Variants in RTN4RL1 observed in about 807,000 individuals in gnomAD.
RTN4RL1 encodes the protein reticulon-4 receptor-like 1.
Under a neutral mutation model 25.6 loss-of-function variants are expected in RTN4RL1, and 7 were observed. The ratio of observed to expected loss-of-function variants is 0.27; its 90% CI spans 0.16 to 0.51. The LOEUF (loss-of-function observed/expected upper bound fraction) is 0.51. RTN4RL1 is among the 20% of genes least tolerant of loss of function. RTN4RL1 has a pLI of 0.97. For synonymous variants in RTN4RL1, 297 were observed against 288.2 expected, an observed-to-expected ratio of 1.03 and a Z score of -0.31; for missense variants, 500 against 615.6, an observed-to-expected ratio of 0.81 and a Z score of 1.99.
In RTN4RL1 at chr17:2,017,703, A is replaced by ACG. The variant is rs1555522588; in HGVS notation, c.13+7149_13+7150insCG. The ACG allele has an allele frequency of 1.5e-3, 194 of 125,546 alleles. 1 individual carries two copies. The highest frequency in any genetic ancestry group is 5.2e-3 in the African/African-American group (189 of 36,256). 7.8% of individuals were successfully genotyped at this position (125,546 alleles called of 1,614,324 possible). On this transcript the variant is annotated intron_variant, in intron 1 of 1. Transcript: ENST00000331238. ...TACATACACACACACACACACACAC[A>ACG]CACGCACACACACTATGGTACCAAC...
At chr17:1,965,354 C>T (rs1168198213) in intron 1 of RTN4RL1, among the ~76,000 whole-genome samples, 1 of 152,056 alleles carries the variant, frequency 6.6e-6, no homozygotes, top group East Asian at 1.9e-4. Flanking sequence ...TCAGGTGATC[C>T]GCCCACCTCG....
At chr17:1,977,439 A>G (rs1393985568) in intron 1 of RTN4RL1, among the ~76,000 whole-genome samples, 1 of 151,988 alleles carries the variant, frequency 6.6e-6, no homozygotes, top group Non-Finnish European at 1.5e-5. Flanking sequence ...TGGATCCACC[A>G]CCTCGTCTCA....
intron 1 of RTN4RL1, among the ~76,000 whole-genome samples, chr17:2,005,539 T>A (rs2066986944): frequency 6.6e-6 from 1 of 152,050 alleles, no homozygotes; most frequent in Non-Finnish European, 1.5e-5. Context: ...AAGCTTCCAT[T>A]GAGAAAGGAC....
chr17:1,960,931 C>A (rs1915882109), intron 1 of RTN4RL1, among the ~76,000 whole-genome samples: 1 of 152,178 alleles, frequency 6.6e-6, no homozygotes, highest in African/African-American at 2.4e-5. Flanking sequence ...CCAGCCGATG[C>A]CCACGGCCCC....
In RTN4RL1 at chr17:1,942,984, G is replaced by A. The variant is rs1480500908; in HGVS notation, c.14-5176C>T. On this transcript the variant is annotated intron_variant, in intron 1 of 1. Transcript: ENST00000331238. ...AGCTCAGCTGGGCTGGGGGAACCCA[G>A]AGCCAGGATGGCCAGAGATGTCCCC... Among the ~76,000 whole-genome samples the A allele has an allele frequency of 2.6e-5, 4 of 152,204 alleles. No homozygotes were observed. In the East Asian group the frequency reaches 7.7e-4, roughly 29 times the overall value.
At position 2,022,849 on chromosome 17, in the gene RTN4RL1, G is replaced by GC. The variant is rs1274766569; in HGVS notation, c.13+2003_13+2004insG. ...GTGCAGGAAGGAAGAAACAGCCCGA[G>GC]TGGCAAACACACGTGACTGCTAAGC... On this transcript the variant is annotated intron_variant, in intron 1 of 1. Coordinates refer to ENST00000331238, the MANE Select transcript of RTN4RL1 (RefSeq NM_178568.4). Among the ~76,000 whole-genome samples, 8 of 152,346 alleles carry GC rather than the reference G, an allele frequency of 5.3e-5. No homozygotes were observed. In the East Asian group the frequency reaches 1.5e-3, roughly 29 times the overall value.
At chr17:1,991,900 A>G (rs1201201154) in intron 1 of RTN4RL1, among the ~76,000 whole-genome samples, 5 of 152,140 alleles carry the variant, frequency 3.3e-5, no homozygotes, top group African/African-American at 9.7e-5. Flanking sequence ...GAATTGCTCT[A>G]TTTACGGAGC....
At chr17:1,982,571 G>A (rs908165823) in intron 1 of RTN4RL1, among the ~76,000 whole-genome samples, 2 of 152,072 alleles carry the variant, frequency 1.3e-5, no homozygotes, top group African/African-American at 4.8e-5. Context: ...CCGAGATCGC[G>A]CCACTGCACT....
In RTN4RL1 at chr17:1,994,132, C is replaced by T. The variant is rs570467221; in HGVS notation, c.13+30721G>A. ...GTCCCAATCTGTGGATTGCTTTCCC[C>T]AGTCTCTGGAGTAAGATCTCATTTT... On this transcript the variant is annotated intron_variant, in intron 1 of 1. Coordinates refer to ENST00000331238, the MANE Select transcript of RTN4RL1 (RefSeq NM_178568.4). The surrounding 1 kb of genome is among the most constrained non-coding windows in gnomAD (Gnocchi z 4.3). Among the ~76,000 whole-genome samples the T allele has an allele frequency of 8.9e-4, 135 of 152,282 alleles. No homozygotes were observed. Among genetic ancestry groups the T allele is most frequent in the African/African-American group, 3.1e-3 (129 of 41,554 alleles).
intron 1 of RTN4RL1, among the ~76,000 whole-genome samples, chr17:1,971,259 CT>C (rs1477442987): frequency 3.3e-4 from 50 of 152,336 alleles, no homozygotes; most frequent in East Asian, 1.7e-3. Flanking sequence ...CATGCTCTCT[CT>C]CCTGTCGCCT....
intron 1 of RTN4RL1, among the ~76,000 whole-genome samples, chr17:1,950,782 G>A (rs1915655268): frequency 7.1e-6 from 1 of 140,118 alleles, no homozygotes; most frequent in African/African-American, 2.7e-5. Flanking sequence ...CAAAGCAGGG[G>A]TTGCAATGAG....
At chr17:1,937,932 G>A in intron 1 of RTN4RL1, 124 bp from the exon 2 acceptor site, 1 of 837,846 alleles carries the variant, frequency 1.2e-6, no homozygotes, top group Non-Finnish European at 1.8e-6. Context: ...CCTTGTCCCT[G>A]GCTGGAGCAA....
intron 1 of RTN4RL1, among the ~76,000 whole-genome samples, chr17:1,967,117 C>T (rs3935863): frequency 0.2 from 30,696 of 151,516 alleles, 3,291 homozygotes; most frequent in Middle Eastern, 0.3. Context: ...AGGAGCCAGG[C>T]CCCTCTGCAG....
chr17:2,019,449 T>A lies in RTN4RL1; in HGVS notation c.13+5404A>T, dbSNP rs953672745. The A allele has an allele frequency of 6.6e-5, 10 of 152,284 alleles. 1 individual carries two copies. Among genetic ancestry groups the A allele is most frequent in the Non-Finnish European group, 2.9e-5 (2 of 68,082 alleles). 9.4% of individuals were successfully genotyped at this position (152,284 alleles called of 1,614,324 possible). The stretch of plus-strand genomic sequence containing the variant: ...TCCAGCAAGTGAACCGCTCTGTCCT[T>A]TTTAAAGCCTCATCCCAAAGACACG... On this transcript the variant is annotated intron_variant, in intron 1 of 1. Coordinates refer to ENST00000331238, the MANE Select transcript of RTN4RL1 (RefSeq NM_178568.4).
chr17:1,939,931 G>A (rs1277449535), intron 1 of RTN4RL1, among the ~76,000 whole-genome samples: 1 of 152,152 alleles, frequency 6.6e-6, no homozygotes, highest in Non-Finnish European at 1.5e-5. Flanking sequence ...GGGAGAGCCG[G>A]GGCACCCAGG....
At chr17:1,937,913 C>G (rs1196787134) in intron 1 of RTN4RL1, 105 bp from the exon 2 acceptor site, 12 of 920,904 alleles carry the variant, frequency 1.3e-5, no homozygotes, top group Middle Eastern at 3.4e-4. Flanking sequence ...TGGCTGAGCT[C>G]CGTGAGAGCC....
At chr17:1,967,802 G>T (rs2066798974) in intron 1 of RTN4RL1, among the ~76,000 whole-genome samples, 1 of 152,138 alleles carries the variant, frequency 6.6e-6, no homozygotes, top group Non-Finnish European at 1.5e-5. Flanking sequence ...ACCACGCATG[G>T]ATAATTTTTG....
chr17:2,010,574 G>T (rs62066903), intron 1 of RTN4RL1, among the ~76,000 whole-genome samples: 12,574 of 152,130 alleles, frequency 0.083, 761 homozygotes, highest in African/African-American at 0.16. Flanking sequence ...TTTATTTAGA[G>T]ATGGGGTCTT....
intron 1 of RTN4RL1, among the ~76,000 whole-genome samples, chr17:1,975,069 A>ATGAGTGTTGG (rs2066837111): frequency 6.6e-6 from 1 of 152,010 alleles, no homozygotes; most frequent in East Asian, 1.9e-4. Context: ...CGGCACCCCC[A>ATGAGTGTTGG]CCCATGGTGA....
Sources: allele counts gnomAD v4.1 joint callset (sites outside exome capture counted in the v4.1 genomes callset), GRCh38; gene constraint gnomAD v4.1.1; non-coding constraint Gnocchi (gnomAD v3.1); transcripts MANE v1.5; gene names NCBI Gene and HGNC (gene_info 2026-07-23, HGNC 2026-07-21).